Variants in ZNF365 observed in about 807,000 individuals in gnomAD.
ZNF365 encodes the protein protein ZNF365.
In ZNF365, 22 loss-of-function variants were observed where a neutral mutation model predicts 35.0. The observed-to-expected ratio is 0.63, with a 90% CI of 0.45 to 0.90. ZNF365 has a LOEUF of 0.90. ZNF365 is among the 40% of genes least tolerant of loss of function. The pLI is 0.00. For synonymous variants in ZNF365, 188 were observed against 196.2 expected (o/e 0.96, Z 0.35); for missense variants, 448 against 500.3 (o/e 0.90, Z 1.00).
intron 4 of ZNF365, among the ~76,000 whole-genome samples, chr10:62,474,100 G>T (rs1216425100): frequency 1.3e-5 from 2 of 152,194 alleles, no homozygotes; most frequent in South Asian, 4.1e-4. Flanking sequence ...AACAAGTAGA[G>T]TGTTCCCAGA....
At position 62,398,789 on chromosome 10, in the gene ZNF365, T is replaced by G. The variant is rs1839774127; in HGVS notation, c.962+12T>G. ...AAGCCCAAATGCCTGTATGTATGTA[T>G]TTTTATACTTGGGCCATTTGATAAT... is the stretch of plus-strand genomic sequence containing the variant. On this transcript the variant is annotated intron_variant, in intron 4 of 4. Transcript: ENST00000395254. 1.2e-6 allele frequency: 2 copies of G among 1,608,996 alleles called. No individual in the cohort carries two copies. The highest frequency in any genetic ancestry group is 3.4e-5 in the Admixed American group (2 of 59,374).
chr10:62,386,759 T>C (rs1839532886), intron 2 of ZNF365, among the ~76,000 whole-genome samples: 1 of 152,202 alleles, frequency 6.6e-6, no homozygotes. Flanking sequence ...TCTGACTTCC[T>C]GAGCTAGACT....
chr10:62,458,208 C>T (rs1293671860), intron 3 of ZNF365, among the ~76,000 whole-genome samples: 4 of 152,064 alleles, frequency 2.6e-5, no homozygotes, highest in African/African-American at 7.2e-5. Flanking sequence ...GTGAAGATTC[C>T]CCAAGGCTTC....
intron 3 of ZNF365, among the ~76,000 whole-genome samples, chr10:62,449,026 A>C (rs1164548115): frequency 6.6e-6 from 1 of 152,206 alleles, no homozygotes. Context: ...TAGGTTGAAA[A>C]ATGCCAAAAT....
At chr10:62,452,258 A>G (rs1220826331) in intron 3 of ZNF365, among the ~76,000 whole-genome samples, 1 of 152,182 alleles carries the variant, frequency 6.6e-6, no homozygotes, top group Non-Finnish European at 1.5e-5. Context: ...ATGTGGATCT[A>G]AATTGTCAGC....
intron 3 of ZNF365, among the ~76,000 whole-genome samples, chr10:62,395,586 A>G (rs1394956526): frequency 7.0e-5 from 10 of 143,688 alleles, no homozygotes; most frequent in African/African-American, 2.6e-4. Context: ...CGAACTCCTG[A>G]CTTCAGGTGA....
At chr10:62,403,585 G>A (rs918613417), downstream of ZNF365, among the ~76,000 whole-genome samples, 6 of 152,198 alleles carry the variant, frequency 3.9e-5, no homozygotes, top group Non-Finnish European at 8.8e-5. Flanking sequence ...GTGAACCCGG[G>A]AAGCGGAGCT....
At chr10:62,412,244 T>G (rs1186107569) in intron 3 of ZNF365, among the ~76,000 whole-genome samples, 1 of 152,002 alleles carries the variant, frequency 6.6e-6, no homozygotes, top group Non-Finnish European at 1.5e-5. Context: ...CATTGCTTCA[T>G]GTTAAAAACT....
chr10:62,467,644 T>C (rs1486320413), intron 4 of ZNF365, among the ~76,000 whole-genome samples: 2 of 152,220 alleles, frequency 1.3e-5, no homozygotes. Context: ...TGGACTTATA[T>C]TCCATTGTGA....
intron 3 of ZNF365, among the ~76,000 whole-genome samples, chr10:62,423,885 ATCAT>A (rs989879330): frequency 6.6e-6 from 1 of 152,184 alleles, no homozygotes; most frequent in African/African-American, 2.4e-5. Flanking sequence ...GATTATTAAA[ATCAT>A]TCTTATTTTC....
rs188608582 is a variant in ZNF365 at position 62,447,070 on chromosome 10, T to C, written c.925-12671T>C. Among the ~76,000 whole-genome samples the C allele has an allele frequency of 1.6e-4, 24 of 152,300 alleles. No homozygotes were observed. In the East Asian group the frequency reaches 4.4e-3, roughly 28 times the overall value. On this transcript the variant is annotated intron_variant, in intron 3 of 4. Transcript: ENST00000395255. ...ATTTTGTAGGCAAGGGTGTATTATC[T>C]CCTAATGCTGACTATTAAAATTCCT...
At chr10:62,475,117 T>C (rs752518127) in intron 4 of ZNF365, among the ~76,000 whole-genome samples, 7 of 152,214 alleles carry the variant, frequency 4.6e-5, no homozygotes, top group Non-Finnish European at 8.8e-5. Flanking sequence ...TGGCCTTTCT[T>C]CAGGCCACGG....
chr10:62,404,605 G>A (rs1056815800), downstream of ZNF365, among the ~76,000 whole-genome samples: 4 of 152,114 alleles, frequency 2.6e-5, no homozygotes, highest in South Asian at 2.1e-4. Context: ...TATTTGAGAG[G>A]TGACCTTAGT....
intron 3 of ZNF365, among the ~76,000 whole-genome samples, chr10:62,395,239 A>T (rs1024476060): frequency 6.6e-6 from 1 of 152,080 alleles, no homozygotes; most frequent in Non-Finnish European, 1.5e-5. Flanking sequence ...CTTTGATGAT[A>T]TCCTGGGCAC....
At chr10:62,396,851 A>G (rs552332164) in intron 3 of ZNF365, among the ~76,000 whole-genome samples, 3 of 152,360 alleles carry the variant, frequency 2.0e-5, no homozygotes, top group African/African-American at 4.8e-5. Context: ...TTACATACAT[A>G]CAAACGGTAA....
rs912553225 is a variant in ZNF365 at position 62,389,976 on chromosome 10, G to A, written c.924+1400G>A. ...CTCCATCTCCTCCTTGGGAAACCAT[G>A]AGCGTGTCCAGCCTTGACTAGCTGT... On this transcript the variant is annotated intron_variant, in intron 3 of 4. Coordinates refer to ENST00000395254, the MANE Select transcript of ZNF365 (RefSeq NM_014951.3). 1.1e-4 allele frequency among the ~76,000 whole-genome samples: 16 copies of A among 152,178 alleles called. No homozygotes were observed. In the South Asian group the frequency reaches 2.9e-3, roughly 28 times the overall value.
chr10:62,435,759 C>T (rs539152108), intron 3 of ZNF365, among the ~76,000 whole-genome samples: 4 of 152,274 alleles, frequency 2.6e-5, no homozygotes, highest in African/African-American at 9.6e-5. Flanking sequence ...TCTGGCAATG[C>T]CTAAATTCTT....
chr10:62,401,489 G>T lies in ZNF365; in HGVS notation c.*1700G>T, dbSNP rs973789436. On this transcript the variant is annotated 3_prime_UTR_variant, in exon 5 of 5. Coordinates refer to ENST00000395254, the MANE Select transcript of ZNF365 (RefSeq NM_014951.3). Reference sequence around the variant, plus strand: ...CTTCACTTTGACTTTCAGTTTATGGGGGGGGTAGATCATTCATGTGATATA... The same window carrying T: ...CTTCACTTTGACTTTCAGTTTATGGTGGGGGTAGATCATTCATGTGATATA... 4 of 984,084 alleles carry T rather than the reference G, an allele frequency of 4.1e-6. No homozygotes were observed. Among genetic ancestry groups the T allele is most frequent in the African/African-American group, 1.7e-5 (1 of 57,172 alleles). The allele number at this position is 984,084 out of a possible 1,614,324, so 61.0% of individuals were successfully genotyped here.
At chr10:62,462,420 C>T (rs1180698642) in intron 4 of ZNF365, among the ~76,000 whole-genome samples, 1 of 152,208 alleles carries the variant, frequency 6.6e-6, no homozygotes, top group Non-Finnish European at 1.5e-5. Context: ...TAAGTGTACC[C>T]CTCAGAAGGG....
Sources: gnomAD v4.1 joint callset for allele counts (sites outside exome capture counted in the v4.1 genomes callset) on GRCh38, gnomAD v4.1.1 for gene constraint, MANE v1.5 for transcripts, NCBI Gene and HGNC (gene_info 2026-07-23, HGNC 2026-07-21) for gene names.